The following ASF1B variants were observed in gnomAD, a reference collection of about 807,000 sequenced individuals.
The protein encoded by ASF1B is histone chaperone ASF1B.
Under a neutral mutation model 16.6 loss-of-function variants are expected in ASF1B, and 10 were observed. The ratio of observed to expected loss-of-function variants is 0.60; its 90% CI spans 0.37 to 1.02. The LOEUF is 1.02. Ranked by LOEUF, ASF1B falls within the 50% of genes least tolerant of loss-of-function variation. The pLI is 0.01. For synonymous variants in ASF1B, 101 were observed against 106.2 expected (o/e 0.95, Z 0.30); for missense variants, 240 against 266.0 (o/e 0.90, Z 0.68).
chr19:14,121,010 G>A (rs538575661), intron 3 of ASF1B, among the ~76,000 whole-genome samples: 36 of 151,930 alleles, frequency 2.4e-4, no homozygotes, highest in Non-Finnish European at 4.9e-4. Flanking sequence ...TAGTAGAGAC[G>A]GGCTTTCACC....
At chr19:14,133,113 C>A (rs1967431465) in intron 1 of ASF1B, among the ~76,000 whole-genome samples, 1 of 148,454 alleles carries the variant, frequency 6.7e-6, no homozygotes, top group Non-Finnish European at 1.5e-5. Context: ...CAGCGAGACT[C>A]CATCTCAAAA....
Position 14,120,518 on chromosome 19 carries a change from A to G in ASF1B, c.550T>C (p.Leu184=), listed in dbSNP as rs8102698. The change falls in exon 4 of 4, where the codon TTG becomes CTG. Residue 184 remains leucine (L), a synonymous_variant. Coordinates refer to ENST00000263382, the MANE Select transcript of ASF1B (RefSeq NM_018154.3). The stretch of plus-strand genomic sequence containing the variant: ...CCAGGGATGCAGCCAGGGAGCCCCA[A>G]GCCCTTGATAGGAGTGCAGTTGAGT... ...LPLNCTPIKG[L]GLPGCIPGLL... The G allele has an allele frequency of 0.14, 225,442 of 1,612,620 alleles. 18,288 individuals are homozygous for G. Among genetic ancestry groups the G allele is most frequent in the African/African-American group, 0.35 (25,877 of 74,818 alleles).
Position 14,129,678 on chromosome 19 carries a change from CAAAAAAAAAAAA to C in ASF1B, c.110-3453_110-3442del, listed in dbSNP as rs549023648. Among the ~76,000 whole-genome samples, 168 of 34,632 alleles carry C rather than the reference CAAAAAAAAAAAA, an allele frequency of 4.9e-3. 3 individuals are homozygous for C. The highest frequency in any genetic ancestry group is 0.013 in the African/African-American group (110 of 8,292). 22.7% of individuals were successfully genotyped at this position (34,632 alleles called of 152,430 possible). On this transcript the variant is annotated intron_variant, in intron 1 of 3. Transcript: ENST00000263382. Reference sequence around the variant, plus strand: ...CCTGGGCAACAGAGCCAGCCTCCGTCAAAAAAAAAAAAAAAAAAAAAAAAAAAAAAAAGAAGA... The same window carrying C: ...CCTGGGCAACAGAGCCAGCCTCCGTCAAAAAAAAAAAAAAAAAAAAGAAGA...
At chr19:14,134,362 G>A (rs933328704) in intron 1 of ASF1B, among the ~76,000 whole-genome samples, 5 of 151,896 alleles carry the variant, frequency 3.3e-5, no homozygotes, top group African/African-American at 1.2e-4. Flanking sequence ...AGAGAGACCG[G>A]GGAGAGACAG....
At chr19:14,129,523 A>G (rs914558489) in intron 1 of ASF1B, among the ~76,000 whole-genome samples, 1 of 151,056 alleles carries the variant, frequency 6.6e-6, no homozygotes, top group Non-Finnish European at 1.5e-5. Flanking sequence ...CTAAAAATAT[A>G]AAAATTTAGC....
At chr19:14,130,787 G>GTGTATATATATATATA (rs141600762) in intron 1 of ASF1B, among the ~76,000 whole-genome samples, 174 of 142,442 alleles carry the variant, frequency 1.2e-3, no homozygotes, top group African/African-American at 4.4e-3. Flanking sequence ...GTGTTTGTGT[G>GTGTATATATATATATA]TATATATATA....
chr19:14,121,101 C>T (rs1331165260), intron 3 of ASF1B, among the ~76,000 whole-genome samples: 2 of 151,402 alleles, frequency 1.3e-5, no homozygotes, highest in Admixed American at 6.6e-5. Flanking sequence ...GATTACAACG[C>T]GTGAGCCACT....
intron 2 of ASF1B, among the ~76,000 whole-genome samples, chr19:14,123,179 C>A (rs1967265622): frequency 6.6e-6 from 1 of 152,116 alleles, no homozygotes; most frequent in Non-Finnish European, 1.5e-5. Context: ...GGGTTGCACA[C>A]CCAGGAGGCC....
intron 1 of ASF1B, among the ~76,000 whole-genome samples, chr19:14,129,157 G>A (rs1192909711): frequency 6.6e-6 from 1 of 152,172 alleles, no homozygotes; most frequent in East Asian, 1.9e-4. Flanking sequence ...GGGAGGCTAA[G>A]GTTGGAGGAT....
At chr19:14,133,797 AT>A (rs34122923) in intron 1 of ASF1B, among the ~76,000 whole-genome samples, 216 of 98,886 alleles carry the variant, frequency 2.2e-3, no homozygotes, top group Middle Eastern at 8.8e-3. Flanking sequence ...CCGCACAACC[AT>A]TTTTTTTTTT....
At chr19:14,128,765 T>G (rs1199713687) in intron 1 of ASF1B, among the ~76,000 whole-genome samples, 5 of 152,006 alleles carry the variant, frequency 3.3e-5, no homozygotes, top group African/African-American at 9.7e-5. Context: ...CCTGTTGATT[T>G]ATTTTTGTTA....
intron 1 of ASF1B, among the ~76,000 whole-genome samples, chr19:14,129,417 C>T (rs1967364518): frequency 1.3e-5 from 2 of 152,110 alleles, no homozygotes. Flanking sequence ...CAGCTCACAC[C>T]TGTAATCCTA....
chr19:14,126,793 G>C (rs1433285968), intron 1 of ASF1B, among the ~76,000 whole-genome samples: 1 of 152,128 alleles, frequency 6.6e-6, no homozygotes. Context: ...TTTTAGTAGA[G>C]ATGGGGTTTC....
chr19:14,128,125 C>T (rs542381977), intron 1 of ASF1B, among the ~76,000 whole-genome samples: 1 of 151,502 alleles, frequency 6.6e-6, no homozygotes, highest in African/African-American at 2.5e-5. Flanking sequence ...GGAGGCTTGG[C>T]AAGAGGCTTG....
rs1967208294 is a variant in ASF1B at position 14,119,978 on chromosome 19, T to A, written c.*481A>T. 6.4e-6 allele frequency: 1 copy of A among 155,662 alleles called. No individual in the cohort carries two copies. Among genetic ancestry groups the A allele is most frequent in the Non-Finnish European group, 1.4e-5 (1 of 70,258 alleles). The allele number at this position is 155,662 out of a possible 1,614,324, so 9.6% of individuals were successfully genotyped here. ...GAGCAGGACAGAAATGGGATCTAAGTCTACCTACTAACTAACATTCCCGCC... is the reference window on the plus strand; with the variant it reads ...GAGCAGGACAGAAATGGGATCTAAGACTACCTACTAACTAACATTCCCGCC... On this transcript the variant is annotated 3_prime_UTR_variant, in exon 4 of 4. Coordinates refer to ENST00000263382, the MANE Select transcript of ASF1B (RefSeq NM_018154.3).
chr19:14,132,773 G>A (rs1967424985), intron 1 of ASF1B, among the ~76,000 whole-genome samples: 1 of 152,136 alleles, frequency 6.6e-6, no homozygotes, highest in African/African-American at 2.4e-5. Context: ...AGCTGAGATT[G>A]CACCACTGCA....
intron 2 of ASF1B, among the ~76,000 whole-genome samples, chr19:14,123,760 TG>T (rs1410153817): frequency 1.3e-5 from 2 of 150,830 alleles, no homozygotes; most frequent in African/African-American, 4.9e-5. Flanking sequence ...TGTAAACTCC[TG>T]GAACTCCTGG....
In ASF1B at chr19:14,136,549, C is replaced by G; in HGVS notation, c.-93G>C. On this transcript the variant is annotated 5_prime_UTR_variant, in exon 1 of 4. Transcript: ENST00000263382. Reference sequence around the variant, plus strand: ...GGTGGGGTCAGTGGGGTAGGGCTGACCAGGTCCACTCCCGCCTCTTCTCTC... The same window carrying G: ...GGTGGGGTCAGTGGGGTAGGGCTGAGCAGGTCCACTCCCGCCTCTTCTCTC... 1.0e-6 allele frequency: 1 copy of G among 993,708 alleles called. No individual in the cohort carries two copies. The highest frequency in any genetic ancestry group is 1.5e-6 in the Non-Finnish European group (1 of 671,774). The allele number at this position is 993,708 out of a possible 1,614,324, so 61.6% of individuals were successfully genotyped here. A position where few individuals can be genotyped will look rare whatever the true frequency, so the allele number is the denominator to read the frequency against.
rs148988203 is a variant in ASF1B, at chr19:14,128,506, G to A, written c.110-2269C>T. 5.1e-3 allele frequency among the ~76,000 whole-genome samples: 779 copies of A among 152,234 alleles called. 5 individuals carry two copies. The highest frequency in any genetic ancestry group is 0.017 in the African/African-American group (725 of 41,534). On this transcript the variant is annotated intron_variant, in intron 1 of 3. Coordinates refer to ENST00000263382, the MANE Select transcript of ASF1B (RefSeq NM_018154.3). ...CTTTTTTCACTGGAGATGGGGTCTC[G>A]GTCCGTCACCCAGGCTGCAGTGCAG...
Sources: gnomAD v4.1 joint callset for allele counts (sites outside exome capture counted in the v4.1 genomes callset) on GRCh38, gnomAD v4.1.1 for gene constraint, MANE v1.5 for transcripts, NCBI Gene and HGNC (gene_info 2026-07-23, HGNC 2026-07-21) for gene names.